EPHA8: variants seen among roughly 807,000 people sequenced by gnomAD.
EPHA8 encodes the protein EPH receptor A8.
Under a neutral mutation model 103.6 loss-of-function variants are expected in EPHA8, and 58 were observed. The ratio of observed to expected loss-of-function variants is 0.56; its 90% CI spans 0.45 to 0.70. The LOEUF (loss-of-function observed/expected upper bound fraction) is 0.70, where lower values mean the gene tolerates loss of function less well. Ranked by LOEUF, EPHA8 falls within the 30% of genes least tolerant of loss-of-function variation. EPHA8 has a pLI of 0.00. For missense variants in EPHA8, 1,304 were observed against 1,395.2 expected (o/e 0.93, Z 1.04); for synonymous variants, 559 against 572.5 (o/e 0.98, Z 0.34).
At chr1:22,570,285 C>CGTACACACACATGCACACGTGTGCGT (rs1640491461) in intron 2 of EPHA8, among the ~76,000 whole-genome samples, 4 of 152,004 alleles carry the variant, frequency 2.6e-5, no homozygotes, top group Non-Finnish European at 5.9e-5. Flanking sequence ...CATGCACGCG[C>CGTACACACACATGCACACGTGTGCGT]GTACACACAC....
intron 13 of EPHA8, among the ~76,000 whole-genome samples, chr1:22,600,313 AAGGG>A (rs1166525408): frequency 6.9e-6 from 1 of 145,400 alleles, no homozygotes; most frequent in African/African-American, 2.5e-5. Flanking sequence ...AGAGGAAAAG[AAGGG>A]AGGAAGGAAG....
rs150933434 is a variant in EPHA8, at chr1:22,571,782, G to T, written c.159+2429G>T. Among the ~76,000 whole-genome samples the T allele has an allele frequency of 1.1e-3, 160 of 152,270 alleles. 3 individuals are homozygous for T. The East Asian group carries it at 0.025, about 24-fold the overall frequency. The stretch of plus-strand genomic sequence containing the variant: ...GCTTTCCAGGGAGCCAGGCATGGTG[G>T]CTCACACCTGTAATCGTAGCATTTT... On this transcript the variant is annotated intron_variant, in intron 2 of 16. Transcript: ENST00000166244.
rs571732433 is a variant in EPHA8 at position 22,601,307 on chromosome 1, C to T, written c.2737C>T (p.Pro913Ser). 29 of 1,599,576 alleles carry T rather than the reference C, an allele frequency of 1.8e-5. 1 individual carries two copies. The South Asian group carries it at 2.8e-4, about 15-fold the overall frequency. ...RATATVSRCP[P>S]PAFVRSCFDL... ...AGAGCCCCTGTGCCTCAGGTGCCCACCCCCTGCCTTCGTCCGGAGCTGCTT... is the reference window on the plus strand; with the variant it reads ...AGAGCCCCTGTGCCTCAGGTGCCCATCCCCTGCCTTCGTCCGGAGCTGCTT... The change falls in exon 16 of 17, where the codon CCC becomes TCC. Residue 913 changes from proline (P) to serine (S), a missense_variant. Physicochemically the swap from Pro to Ser is moderately conservative, Grantham distance 74 (BLOSUM62 -1). Coordinates refer to ENST00000166244, the MANE Select transcript of EPHA8 (RefSeq NM_020526.5).
chr1:22,599,096 C>G, intron 13 of EPHA8, 49 bp downstream of exon 13: 1 of 1,537,762 alleles, frequency 6.5e-7, no homozygotes. Context: ...GGGGAGATGG[C>G]GCCGGTGGCA....
intron 1 of EPHA8, among the ~76,000 whole-genome samples, chr1:22,568,970 C>G (rs1436651466): frequency 6.6e-6 from 1 of 152,240 alleles, no homozygotes; most frequent in Non-Finnish European, 1.5e-5. Flanking sequence ...GATTCAGAGG[C>G]CTGCCAGCTT....
intron 3 of EPHA8, among the ~76,000 whole-genome samples, chr1:22,584,712 C>T (rs1641140866): frequency 6.6e-6 from 1 of 152,084 alleles, no homozygotes; most frequent in Non-Finnish European, 1.5e-5. Flanking sequence ...TGGACGGAGC[C>T]GGGAGCTGCC....
intron 3 of EPHA8, among the ~76,000 whole-genome samples, chr1:22,578,268 G>A (rs1225930165): frequency 6.7e-6 from 1 of 150,304 alleles, no homozygotes; most frequent in African/African-American, 2.5e-5. Flanking sequence ...ACCCGTGTGT[G>A]CATGAGTGCA....
intron 3 of EPHA8, among the ~76,000 whole-genome samples, chr1:22,582,009 G>A (rs1641060362): frequency 6.6e-6 from 1 of 152,150 alleles, no homozygotes; most frequent in African/African-American, 2.4e-5. Context: ...TTCTACCCCT[G>A]GAGAAGCCCT....
At chr1:22,586,384 C>A in intron 3 of EPHA8, 96 bp from the exon 4 acceptor site, 1 of 1,444,926 alleles carries the variant, frequency 6.9e-7, no homozygotes, top group Non-Finnish European at 9.4e-7. Context: ...CCCTCTGGGG[C>A]ACCCCCCAGG....
intron 2 of EPHA8, among the ~76,000 whole-genome samples, chr1:22,574,478 C>T (rs1640629537): frequency 6.6e-6 from 1 of 152,206 alleles, no homozygotes; most frequent in African/African-American, 2.4e-5. Context: ...ACTGCCCCCT[C>T]CCTGCCAGCC....
intron 3 of EPHA8, among the ~76,000 whole-genome samples, chr1:22,578,098 CAGTGTATGCATGTGTGCGTG>C (rs201561322): frequency 0.23 from 2,089 of 9,008 alleles, 46 homozygotes; most frequent in East Asian, 0.47. Context: ...CATGTAGCGT[CAGTGTATGCATGTGTGCGTG>C]AGTGTATGCA....
At chr1:22,588,779 C>A (rs1570007480) in intron 4 of EPHA8, 92 bp from the exon 5 acceptor site, 1 of 1,499,384 alleles carries the variant, frequency 6.7e-7, no homozygotes, top group East Asian at 2.3e-5. Context: ...TGATGGGGAG[C>A]CCTTCCCTTG....
Position 22,597,202 on chromosome 1 carries a change from A to G in EPHA8, c.1766-110A>G, listed in dbSNP as rs1641541096. Reference sequence around the variant, plus strand: ...GTGTTGTTTGCTACCACATCCAGAGACTCCCAGAGACACCCCTCACCCCAC... The same window carrying G: ...GTGTTGTTTGCTACCACATCCAGAGGCTCCCAGAGACACCCCTCACCCCAC... On this transcript the variant is annotated intron_variant, in intron 9 of 16. Coordinates refer to ENST00000166244, the MANE Select transcript of EPHA8 (RefSeq NM_020526.5). This position sits in a 1 kb window ranked among gnomAD's most constrained non-coding sequence, Gnocchi z 4.6. 1.2e-6 allele frequency: 1 copy of G among 850,020 alleles called. No homozygotes were observed. Among genetic ancestry groups the G allele is most frequent in the African/African-American group, 1.7e-5 (1 of 57,866 alleles). 52.7% of individuals were successfully genotyped at this position (850,020 alleles called of 1,614,324 possible). A position where few individuals can be genotyped will look rare whatever the true frequency, so the allele number is the denominator to read the frequency against.
At position 22,576,333 on chromosome 1, in the gene EPHA8, C is replaced by A; in HGVS notation, c.276C>A (p.Asp92Glu). 6.2e-7 allele frequency: 1 copy of A among 1,613,820 alleles called. No homozygotes were observed. Among genetic ancestry groups the A allele is most frequent in the Non-Finnish European group, 8.5e-7 (1 of 1,180,026 alleles). The change falls in exon 3 of 17, where the codon GAC becomes GAA. Residue 92 changes from aspartate (D) to glutamate (E), a missense_variant. By Grantham distance (45) the Asp-to-Glu change is conservative. Coordinates refer to ENST00000166244, the MANE Select transcript of EPHA8 (RefSeq NM_020526.5). This position sits in a 1 kb window ranked among gnomAD's most constrained non-coding sequence, Gnocchi z 4.8. ...NWLRTSWVPR[D>E]GARRVYAEIK... ...TGCGCACGAGCTGGGTCCCCCGAGACGGCGCCCGGCGCGTCTATGCTGAGA... is the reference window on the plus strand; with the variant it reads ...TGCGCACGAGCTGGGTCCCCCGAGAAGGCGCCCGGCGCGTCTATGCTGAGA...
Position 22,589,253 on chromosome 1 carries a change from C to T in EPHA8, c.1315+47C>T, listed in dbSNP as rs150728777. ...CGCAGCGTCCTGGTCCCCCAGCTTC[C>T]CCTGCCTCAGACCCATCCAGGGATC... On this transcript the variant is annotated intron_variant, in intron 5 of 16. Transcript: ENST00000166244. This position sits in a 1 kb window ranked among gnomAD's most constrained non-coding sequence, Gnocchi z 4.3. The T allele has an allele frequency of 8.7e-6, 14 of 1,613,968 alleles. No individual in the cohort carries two copies. In the African/African-American group the frequency reaches 1.6e-4, roughly 18 times the overall value.
rs375912312 is a variant in EPHA8, at chr1:22,588,916, C to T, written c.1025C>T (p.Thr342Ile). 3 of 1,607,730 alleles carry T rather than the reference C, an allele frequency of 1.9e-6. No homozygotes were observed. Among genetic ancestry groups the T allele is most frequent in the Non-Finnish European group, 2.5e-6 (3 of 1,179,250 alleles). Reference sequence around the variant, plus strand: ...AACCTGATCTCCAGTGTGAATGGGACATCAGTGACTCTGGAGTGGGCCCCT... The same window carrying T: ...AACCTGATCTCCAGTGTGAATGGGATATCAGTGACTCTGGAGTGGGCCCCT... ...PVNLISSVNG[T>I]SVTLEWAPPL... is the part of the protein sequence containing the mutation. Residue 342 changes from threonine (T) to isoleucine (I), a missense_variant, in exon 5 of 17, where the codon ACA becomes ATA. Coordinates refer to ENST00000166244, the MANE Select transcript of EPHA8 (RefSeq NM_020526.5).
intron 5 of EPHA8, among the ~76,000 whole-genome samples, chr1:22,592,252 A>G (rs1641391799): frequency 6.6e-6 from 1 of 151,980 alleles, no homozygotes; most frequent in Non-Finnish European, 1.5e-5. Flanking sequence ...CCCATCCCAC[A>G]GCACCTCCTG....
chr1:22,570,321 T>C (rs549875822), intron 2 of EPHA8, among the ~76,000 whole-genome samples: 4,628 of 115,100 alleles, frequency 0.04, 80 homozygotes, highest in South Asian at 0.1. Context: ...TGTACACACA[T>C]GCACACACGC....
chr1:22,601,172 G>A, intron 15 of EPHA8, 84 bp downstream of exon 15: 1 of 1,535,266 alleles, frequency 6.5e-7, no homozygotes, highest in Non-Finnish European at 8.8e-7. Context: ...GTTTGGCCCT[G>A]ACACTAGGAC....
Sources: allele counts gnomAD v4.1 joint callset (sites outside exome capture counted in the v4.1 genomes callset), GRCh38; gene constraint gnomAD v4.1.1; non-coding constraint Gnocchi (gnomAD v3.1); transcripts MANE v1.5; gene names NCBI Gene and HGNC (gene_info 2026-07-23, HGNC 2026-07-21).